Variants in DOP1A observed in about 807,000 individuals in gnomAD.
DOP1A encodes the protein DOP1 leucine zipper like protein A.
In DOP1A, 90 loss-of-function variants were observed where a neutral mutation model predicts 267.6. That is an observed-to-expected ratio of 0.34 (90% confidence interval 0.28 to 0.40). The LOEUF is 0.40. Ranked by LOEUF, DOP1A falls within the 10% of genes least tolerant of loss-of-function variation. DOP1A has a pLI of 1.00. For synonymous variants in DOP1A, 932 were observed against 999.1 expected (o/e 0.93, Z 1.27); for missense variants, 2,437 against 2,900.4 (o/e 0.84, Z 3.67).
At chr6:83,158,134 G>A (rs1783252028) in intron 35 of DOP1A, among the ~76,000 whole-genome samples, 1 of 151,990 alleles carries the variant, frequency 6.6e-6, no homozygotes, top group African/African-American at 2.4e-5. Flanking sequence ...GAGTAGCTGG[G>A]ACTACAGGCA....
intron 1 of DOP1A, among the ~76,000 whole-genome samples, chr6:83,086,712 T>A (rs1171625812): frequency 1.3e-5 from 2 of 152,120 alleles, no homozygotes; most frequent in Non-Finnish European, 2.9e-5. Context: ...TAAAGCACAT[T>A]ATGGGTGATT....
intron 1 of DOP1A, among the ~76,000 whole-genome samples, chr6:83,083,298 T>C (rs1024036308): frequency 1.3e-5 from 2 of 152,090 alleles, no homozygotes; most frequent in Non-Finnish European, 2.9e-5. Flanking sequence ...TACATTATTA[T>C]AGTTTTTTTT....
intron 23 of DOP1A, among the ~76,000 whole-genome samples, chr6:83,140,733 T>G (rs930815515): frequency 1.8e-4 from 27 of 152,268 alleles, no homozygotes; most frequent in African/African-American, 6.5e-4. Flanking sequence ...CACGAATCTA[T>G]TCTCTCCATA....
chr6:83,137,636 T>G lies in DOP1A; in HGVS notation c.3594T>G (p.Asp1198Glu). The change falls in exon 21 of 39, where the codon GAT (aspartate) becomes GAG (glutamate). Residue 1198 changes from aspartate (D) to glutamate (E), a missense_variant. This residue lies in a region of DOP1A where 878 missense variants were observed against 992.9 expected (regional missense o/e 0.88). Transcript: ENST00000349129. ...ATGAAGAGACGATTAAAATTGAAGA[T>G]GACTCCATTCAACAGAGTCAGAATG... is the stretch of plus-strand genomic sequence containing the variant. ...DPDEETIKIE[D>E]DSIQQSQNAL... 2 of 1,613,892 alleles carry G rather than the reference T, an allele frequency of 1.2e-6. No homozygotes were observed. Among genetic ancestry groups the G allele is most frequent in the Admixed American group, 1.7e-5 (1 of 59,978 alleles).
intron 9 of DOP1A, 46 bp from the exon 10 acceptor site, chr6:83,120,637 T>G (rs1354325264): frequency 7.1e-7 from 1 of 1,412,026 alleles, no homozygotes; most frequent in Non-Finnish European, 9.6e-7. Context: ...GAAAAAATAT[T>G]TGAATATGTT....
At chr6:83,124,270 T>G (rs1776787567) in intron 12 of DOP1A, among the ~76,000 whole-genome samples, 1 of 152,066 alleles carries the variant, frequency 6.6e-6, no homozygotes, top group Non-Finnish European at 1.5e-5. Context: ...GAGGTAACAT[T>G]TGATCTCAGA....
At chr6:83,135,524 A>T in intron 19 of DOP1A, 95 bp from the exon 20 acceptor site, 1 of 1,312,450 alleles carries the variant, frequency 7.6e-7, no homozygotes, top group Non-Finnish European at 1.0e-6. Flanking sequence ...CAAAATAGTT[A>T]ATTCAAAATA....
Position 83,166,926 on chromosome 6 carries a change from A to G in DOP1A, c.7093-936A>G, listed in dbSNP as rs889761613. On this transcript the variant is annotated intron_variant, in intron 38 of 38. Transcript: ENST00000349129. ...ATGATTTCTTCCTTCTGTCTAGTTCATTGCTTATTTTCATTCTTTAGTGTG... is the reference window on the plus strand; with the variant it reads ...ATGATTTCTTCCTTCTGTCTAGTTCGTTGCTTATTTTCATTCTTTAGTGTG... 3 of 986,976 alleles carry G rather than the reference A, an allele frequency of 3.0e-6. No homozygotes were observed. The African/African-American group carries it at 5.2e-5, about 17-fold the overall frequency. The allele number at this position is 986,976 out of a possible 1,614,324, so 61.1% of individuals were successfully genotyped here.
chr6:83,074,440 T>G (rs2127986116), intron 1 of DOP1A, among the ~76,000 whole-genome samples: 1 of 152,292 alleles, frequency 6.6e-6, no homozygotes, highest in African/African-American at 2.4e-5. Flanking sequence ...TTTAAAAGTA[T>G]AAGTATACAG....
intron 1 of DOP1A, among the ~76,000 whole-genome samples, chr6:83,075,576 CAAA>C (rs1001635084): frequency 6.6e-6 from 1 of 151,998 alleles, no homozygotes; most frequent in African/African-American, 2.4e-5. Context: ...GGGTGGCTCT[CAAA>C]AAATGCATTT....
chr6:83,166,571 A>G (rs1583223092), intron 38 of DOP1A: 3 of 624,298 alleles, frequency 4.8e-6, no homozygotes, highest in Non-Finnish European at 8.1e-6. Flanking sequence ...AAAAAAAGTG[A>G]GAAATATGCT....
chr6:83,159,595 T>C (rs1783748028), intron 36 of DOP1A: 1 of 631,402 alleles, frequency 1.6e-6, no homozygotes, highest in African/African-American at 1.8e-5. Flanking sequence ...CCAGTCTATG[T>C]ACTGTTTTTG....
chr6:83,111,282 A>G (rs1480047999), intron 6 of DOP1A, among the ~76,000 whole-genome samples: 1 of 151,784 alleles, frequency 6.6e-6, no homozygotes, highest in East Asian at 1.9e-4. Context: ...GCTGATGGAC[A>G]TTTGGGTTGT....
chr6:83,145,204 A>ATAT (rs1554246758), intron 24 of DOP1A, among the ~76,000 whole-genome samples: 5 of 646 alleles, frequency 7.7e-3, no homozygotes, highest in Admixed American at 0.02. Flanking sequence ...ATATATATAT[A>ATAT]ATAATATATA....
chr6:83,162,682 A>C, intron 37 of DOP1A, 108 bp from the exon 38 acceptor site: 1 of 1,297,278 alleles, frequency 7.7e-7, no homozygotes, highest in Admixed American at 2.5e-5. Flanking sequence ...CTGGCATTTG[A>C]ATTTTTATAA....
Position 83,162,822 on chromosome 6 carries a change from A to G in DOP1A, c.6995A>G (p.Asp2332Gly). ...TGGGCCTTTATTCCAGAAGCCTCAG[A>G]TGATTCAGGTTTGGAAGTCAGAAGG... Reference protein sequence around the residue: ...YRWAFIPEASDDSGLEVRRQG... With the variant: ...YRWAFIPEASGDSGLEVRRQG... The change falls in exon 38 of 39, where the codon GAT becomes GGT. Residue 2332 changes from aspartate (D) to glycine (G), a missense_variant. This residue lies in a region of DOP1A where 197 missense variants were observed against 246.5 expected (regional missense o/e 0.80). Coordinates refer to ENST00000349129, the MANE Select transcript of DOP1A (RefSeq NM_015018.4). The G allele has an allele frequency of 1.2e-6, 2 of 1,613,510 alleles. No homozygotes were observed. Among genetic ancestry groups the G allele is most frequent in the Non-Finnish European group, 1.7e-6 (2 of 1,179,578 alleles).
intron 6 of DOP1A, among the ~76,000 whole-genome samples, chr6:83,110,956 C>G (rs956469395): frequency 6.6e-6 from 1 of 152,138 alleles, no homozygotes; most frequent in Non-Finnish European, 1.5e-5. Context: ...ACCACTATTG[C>G]AATCAAGACA....
At chr6:83,086,479 C>T (rs558278039) in intron 1 of DOP1A, among the ~76,000 whole-genome samples, 79 of 152,114 alleles carry the variant, frequency 5.2e-4, no homozygotes, top group African/African-American at 1.7e-3. Context: ...AGAAAATCCA[C>T]GAAGAAACGG....
intron 15 of DOP1A, among the ~76,000 whole-genome samples, chr6:83,126,525 G>A (rs558382198): frequency 6.6e-6 from 1 of 152,220 alleles, no homozygotes; most frequent in South Asian, 2.1e-4. Context: ...CTAATTGGAA[G>A]AAAGATATTA....
Sources: allele counts gnomAD v4.1 joint callset (sites outside exome capture counted in the v4.1 genomes callset), GRCh38; gene constraint gnomAD v4.1.1; regional missense constraint gnomAD v4.1.1; transcripts MANE v1.5; gene names NCBI Gene and HGNC (gene_info 2026-07-23, HGNC 2026-07-21).